INPP4B: variants seen among roughly 807,000 people sequenced by gnomAD.
INPP4B encodes inositol polyphosphate 4-phosphatase type II.
A neutral mutation model predicts 122.5 loss-of-function variants in INPP4B; 55 were observed. The ratio of observed to expected loss-of-function variants is 0.45; its 90% confidence interval spans 0.36 to 0.56. The LOEUF (loss-of-function observed/expected upper bound fraction) is 0.56. Ranked by LOEUF, INPP4B falls within the 20% of genes least tolerant of loss-of-function variation. The probability of loss-of-function intolerance (pLI) is 0.00; values close to 1 mark genes in which losing one functional copy is unlikely to be tolerated. For missense variants in INPP4B, 1,000 were observed against 1,097.7 expected (o/e 0.91, Z 1.26); for synonymous variants, 403 against 388.7 (o/e 1.04, Z -0.43).
intron 17 of INPP4B, among the ~76,000 whole-genome samples, chr4:142,158,484 C>A (rs769683596): frequency 1.2e-4 from 19 of 152,064 alleles, no homozygotes; most frequent in Non-Finnish European, 2.4e-4. Flanking sequence ...CTCTGTAAAC[C>A]TTCTCAACTA....
intron 2 of INPP4B, among the ~76,000 whole-genome samples, chr4:142,478,340 C>A (rs898015684): frequency 2.6e-5 from 4 of 152,124 alleles, no homozygotes; most frequent in Admixed American, 2.0e-4. Flanking sequence ...GGGAATCTTT[C>A]TTGTTCCTGT....
chr4:142,635,297 T>C (rs867601079), intron 2 of INPP4B, among the ~76,000 whole-genome samples: 5 of 152,168 alleles, frequency 3.3e-5, no homozygotes, highest in African/African-American at 4.8e-5. Context: ...GAAGGCAGTA[T>C]AGCAATTCCT....
intron 3 of INPP4B, among the ~76,000 whole-genome samples, chr4:142,437,918 C>G (rs774152048): frequency 3.9e-5 from 6 of 152,104 alleles, no homozygotes; most frequent in Non-Finnish European, 8.8e-5. Context: ...CAGGATCAGA[C>G]AGATTCACAG....
chr4:142,768,320 C>A (rs1318289077), intron 1 of INPP4B, among the ~76,000 whole-genome samples: 1 of 152,156 alleles, frequency 6.6e-6, no homozygotes, highest in African/African-American at 2.4e-5. Flanking sequence ...CAGTGTACTA[C>A]AGGCAGCAAA....
intron 2 of INPP4B, among the ~76,000 whole-genome samples, chr4:142,707,325 C>A (rs1002782690): frequency 3.3e-5 from 5 of 152,206 alleles, no homozygotes; most frequent in African/African-American, 4.8e-5. Flanking sequence ...AATGCTCCCA[C>A]CTTTTTTCCT....
At chr4:142,344,734 G>A (rs1424092368) in intron 7 of INPP4B, among the ~76,000 whole-genome samples, 1 of 151,948 alleles carries the variant, frequency 6.6e-6, no homozygotes, top group African/African-American at 2.4e-5. Context: ...AGTGGGAGGA[G>A]GAAGAGGATC....
At chr4:142,611,738 G>T (rs560602514) in intron 2 of INPP4B, among the ~76,000 whole-genome samples, 1 of 148,172 alleles carries the variant, frequency 6.7e-6, no homozygotes, top group African/African-American at 2.5e-5. Flanking sequence ...GTGTGATCTC[G>T]GCTCACTGCA....
At chr4:142,226,756 T>C (rs1015187252) in intron 12 of INPP4B, among the ~76,000 whole-genome samples, 1 of 152,144 alleles carries the variant, frequency 6.6e-6, no homozygotes, top group Admixed American at 6.5e-5. Context: ...GAACAGCAGA[T>C]ATAAAAATTA....
chr4:142,511,086 T>G, intron 2 of INPP4B, among the ~76,000 whole-genome samples: 1 of 152,166 alleles, frequency 6.6e-6, no homozygotes, highest in Admixed American at 6.6e-5. Flanking sequence ...TTCAAATTTC[T>G]TTTTCTCTTT....
Position 142,088,666 on chromosome 4 carries a change from A to G in INPP4B, c.2375-2410T>C, listed in dbSNP as rs544338452. ...CAACTGCCTTTTCATATCATTTTAA[A>G]TGAACACATATTGCTTTTAAATAAT... On this transcript the variant is annotated intron_variant, in intron 23 of 25. Coordinates refer to ENST00000262992, the MANE Select transcript of INPP4B (RefSeq NM_001101669.3). 1.1e-4 allele frequency among the ~76,000 whole-genome samples: 17 copies of G among 152,356 alleles called. No homozygotes were observed. In the South Asian group the frequency reaches 3.3e-3, roughly 30 times the overall value.
chr4:142,461,957 G>T (rs1306354779), intron 3 of INPP4B, among the ~76,000 whole-genome samples: 1 of 152,076 alleles, frequency 6.6e-6, no homozygotes, highest in Admixed American at 6.6e-5. Context: ...GGATATTAAG[G>T]ACCTATGGGG....
intron 1 of INPP4B, among the ~76,000 whole-genome samples, chr4:142,726,705 G>A (rs1255800175): frequency 6.6e-6 from 1 of 152,178 alleles, no homozygotes; most frequent in Non-Finnish European, 1.5e-5. Context: ...AATAGAAGAT[G>A]CTAACAGTTT....
chr4:142,558,793 TAAAAAA>T (rs34151070), intron 2 of INPP4B, among the ~76,000 whole-genome samples: 58 of 75,550 alleles, frequency 7.7e-4, no homozygotes, highest in African/African-American at 2.9e-3. Context: ...AGACTCCCTC[TAAAAAA>T]AAAAAAAAAA....
chr4:142,486,296 T>C (rs1821187865), intron 2 of INPP4B, among the ~76,000 whole-genome samples: 1 of 152,218 alleles, frequency 6.6e-6, no homozygotes, highest in African/African-American at 2.4e-5. Context: ...CACCAACATT[T>C]AGACTTCTTA....
intron 23 of INPP4B, among the ~76,000 whole-genome samples, chr4:142,094,418 A>G (rs1355116026): frequency 6.6e-6 from 1 of 152,200 alleles, no homozygotes; most frequent in Non-Finnish European, 1.5e-5. Context: ...TAGCCCTAGC[A>G]ATAAATGGCT....
intron 16 of INPP4B, 130 bp downstream of exon 16, chr4:142,173,502 T>C: frequency 2.8e-6 from 2 of 706,652 alleles, no homozygotes; most frequent in East Asian, 2.8e-5. Flanking sequence ...GGCAATACTT[T>C]GAAGCTTACT....
Position 142,253,992 on chromosome 4 carries a change from T to A in INPP4B, c.688+6500A>T, listed in dbSNP as rs376654829. Among the ~76,000 whole-genome samples, 14 of 152,124 alleles carry A rather than the reference T, an allele frequency of 9.2e-5. No homozygotes were observed. The East Asian group carries it at 1.4e-3, about 15-fold the overall frequency. On this transcript the variant is annotated intron_variant, in intron 11 of 25. Transcript: ENST00000262992. Reference sequence around the variant, plus strand: ...TGAAGAGAGCAGTGGTTCTCCCAGCTCGCAGCTAGAGATCTGAGAACGGGC... The same window carrying A: ...TGAAGAGAGCAGTGGTTCTCCCAGCACGCAGCTAGAGATCTGAGAACGGGC...
chr4:142,394,614 T>A (rs1798770946), intron 7 of INPP4B, among the ~76,000 whole-genome samples: 1 of 152,214 alleles, frequency 6.6e-6, no homozygotes, highest in Non-Finnish European at 1.5e-5. Context: ...CATTTGTATA[T>A]TTTCTTTTGA....
chr4:142,724,163 T>C (rs1257434567), intron 2 of INPP4B, among the ~76,000 whole-genome samples: 1 of 152,200 alleles, frequency 6.6e-6, no homozygotes, highest in Admixed American at 6.5e-5. Context: ...TGGGAATTAC[T>C]TTCCCTCACC....
Sources: allele counts gnomAD v4.1 joint callset (sites outside exome capture counted in the v4.1 genomes callset), GRCh38; gene constraint gnomAD v4.1.1; transcripts MANE v1.5; gene names NCBI Gene and HGNC (gene_info 2026-07-23, HGNC 2026-07-21).